The following ST8SIA6 variants were observed in gnomAD, a reference collection of about 807,000 sequenced individuals.
ST8SIA6 encodes ST8 alpha-N-acetyl-neuraminide alpha-2,8-sialyltransferase 6.
A neutral mutation model predicts 33.6 loss-of-function variants in ST8SIA6; 39 were observed. The observed-to-expected ratio is 1.16, with a 90% CI of 0.90 to 1.52. The LOEUF (loss-of-function observed/expected upper bound fraction) is 1.52. Ranked by LOEUF, ST8SIA6 falls within the 40% of genes most tolerant of loss-of-function variation. The probability of loss-of-function intolerance (pLI) is 0.00; values close to 1 mark genes in which losing one functional copy is unlikely to be tolerated. For missense variants in ST8SIA6, 441 were observed against 443.8 expected, an observed-to-expected ratio of 0.99 and a Z score of 0.06; for synonymous variants, 172 against 167.2, an observed-to-expected ratio of 1.03 and a Z score of -0.22.
intron 4 of ST8SIA6, among the ~76,000 whole-genome samples, chr10:17,338,533 T>C (rs968676588): frequency 6.6e-6 from 1 of 152,206 alleles, no homozygotes; most frequent in Non-Finnish European, 1.5e-5. Flanking sequence ...GGTACCACCA[T>C]AGCATAGATA....
intron 4 of ST8SIA6, among the ~76,000 whole-genome samples, chr10:17,343,470 T>A (rs1440851310): frequency 6.6e-6 from 1 of 152,148 alleles, no homozygotes; most frequent in Admixed American, 6.5e-5. Context: ...ATTTCAGCTC[T>A]GATGTTATTG....
At chr10:17,394,923 C>G (rs1418330924) in intron 2 of ST8SIA6, among the ~76,000 whole-genome samples, 1 of 152,170 alleles carries the variant, frequency 6.6e-6, no homozygotes, top group Non-Finnish European at 1.5e-5. Context: ...CAAGAGATAG[C>G]TGCAAGACAA....
intron 4 of ST8SIA6, among the ~76,000 whole-genome samples, chr10:17,352,666 T>A (rs1238197287): frequency 1.3e-5 from 2 of 152,142 alleles, no homozygotes; most frequent in African/African-American, 4.8e-5. Context: ...GAACCCCACG[T>A]GAGTTCCATA....
chr10:17,431,065 C>G (rs1413687362), intron 2 of ST8SIA6, among the ~76,000 whole-genome samples: 1 of 152,180 alleles, frequency 6.6e-6, no homozygotes, highest in Non-Finnish European at 1.5e-5. Flanking sequence ...AAGATTTAGG[C>G]AGAAATCTTT....
At chr10:17,365,184 G>A (rs944214740) in intron 3 of ST8SIA6, among the ~76,000 whole-genome samples, 7 of 151,934 alleles carry the variant, frequency 4.6e-5, no homozygotes, top group East Asian at 1.9e-4. Context: ...AGTAATACTC[G>A]AACCACAAAT....
At chr10:17,441,444 C>T (rs754467671) in intron 2 of ST8SIA6, among the ~76,000 whole-genome samples, 2 of 152,046 alleles carry the variant, frequency 1.3e-5, no homozygotes, top group Admixed American at 6.5e-5. Flanking sequence ...TCCCAAGTAG[C>T]TCGGATGACA....
chr10:17,318,804 C>T lies in ST8SIA6; in HGVS notation c.*2074G>A. ...ACTGTGACTTACGTTTTACAGTTTA[C>T]ATAGCTGACATGCTGTATTGTAAAC... On this transcript the variant is annotated 3_prime_UTR_variant, in exon 8 of 8. Transcript: ENST00000377602. The T allele has an allele frequency of 2.2e-6, 1 of 456,520 alleles. No individual in the cohort carries two copies. The highest frequency in any genetic ancestry group is 4.5e-6 in the Non-Finnish European group (1 of 223,050). The allele number at this position is 456,520 out of a possible 1,614,324, so 28.3% of individuals were successfully genotyped here.
rs1303565957 is a variant in ST8SIA6 at position 17,317,535 on chromosome 10, T to C, written c.*3343A>G. 6.6e-6 allele frequency among the ~76,000 whole-genome samples: 1 copy of C among 152,186 alleles called. No homozygotes were observed. Among genetic ancestry groups the C allele is most frequent in the African/African-American group, 2.4e-5 (1 of 41,446 alleles). ...GTGTTTCCATGTCATGTTAGATAAA[T>C]AAAATGTCTTGAAGATCACAATATA... is the stretch of plus-strand genomic sequence containing the variant. On this transcript the variant is annotated 3_prime_UTR_variant, in exon 8 of 8. Coordinates refer to ENST00000377602, the MANE Select transcript of ST8SIA6 (RefSeq NM_001004470.3).
chr10:17,373,195 C>G (rs1849789839), intron 3 of ST8SIA6, among the ~76,000 whole-genome samples: 1 of 152,144 alleles, frequency 6.6e-6, no homozygotes, highest in Non-Finnish European at 1.5e-5. Context: ...TTCTGACAAG[C>G]AACTCCAGCA....
At chr10:17,364,646 C>T (rs1849500996) in intron 3 of ST8SIA6, among the ~76,000 whole-genome samples, 1 of 152,050 alleles carries the variant, frequency 6.6e-6, no homozygotes, top group Admixed American at 6.6e-5. Context: ...ATTAAGATTG[C>T]CACAGGATCA....
intron 1 of ST8SIA6, 56 bp from the exon 2 acceptor site, chr10:17,453,713 G>C (rs1853007885): frequency 8.2e-7 from 1 of 1,218,800 alleles, no homozygotes; most frequent in African/African-American, 1.6e-5. Flanking sequence ...GCTGTTGGCT[G>C]AAAGGCTGGG....
In ST8SIA6 at chr10:17,317,611, G is replaced by A. The variant is rs1280408459; in HGVS notation, c.*3267C>T. ...TCTGCAGTAGCTGTTTAGGATGTTA[G>A]TGGACCTGTTTTCCACAAAATTTTC... is the stretch of plus-strand genomic sequence containing the variant. On this transcript the variant is annotated 3_prime_UTR_variant, in exon 8 of 8. Transcript: ENST00000377602. Among the ~76,000 whole-genome samples the A allele has an allele frequency of 6.6e-6, 1 of 152,160 alleles. No homozygotes were observed. Among genetic ancestry groups the A allele is most frequent in the African/African-American group, 2.4e-5 (1 of 41,446 alleles).
intron 3 of ST8SIA6, among the ~76,000 whole-genome samples, chr10:17,381,612 G>A (rs1850155133): frequency 6.6e-6 from 1 of 152,166 alleles, no homozygotes; most frequent in South Asian, 2.1e-4. Context: ...AGTGTCTTAA[G>A]AATTGCCAGC....
intron 4 of ST8SIA6, among the ~76,000 whole-genome samples, chr10:17,343,394 G>A (rs969972671): frequency 1.3e-5 from 2 of 152,136 alleles, no homozygotes; most frequent in Admixed American, 6.5e-5. Context: ...TATTGTATTC[G>A]TAAGCTCATA....
chr10:17,386,019 C>CA (rs949339256), intron 3 of ST8SIA6, among the ~76,000 whole-genome samples: 12 of 152,164 alleles, frequency 7.9e-5, no homozygotes, highest in African/African-American at 2.7e-4. Context: ...CCCATCTCTA[C>CA]AAAAAATAGA....
At chr10:17,444,005 A>G (rs913753466) in intron 2 of ST8SIA6, among the ~76,000 whole-genome samples, 3 of 152,166 alleles carry the variant, frequency 2.0e-5, no homozygotes, top group Non-Finnish European at 2.9e-5. Context: ...TCTTCCTTTC[A>G]TATCCCTTCT....
chr10:17,452,201 G>C (rs115963509), intron 2 of ST8SIA6, among the ~76,000 whole-genome samples: 1,921 of 152,268 alleles, frequency 0.013, 26 homozygotes, highest in African/African-American at 0.044. Context: ...TGTTACTCCA[G>C]GAGGTCCTAG....
intron 2 of ST8SIA6, among the ~76,000 whole-genome samples, chr10:17,429,446 G>T (rs17141100): frequency 0.016 from 2,425 of 151,382 alleles, 67 homozygotes; most frequent in Admixed American, 0.061. Flanking sequence ...TGGTTGCTTA[G>T]CTCGTCCCCG....
At position 17,347,795 on chromosome 10, in the gene ST8SIA6, C is replaced by G. The variant is rs977376441; in HGVS notation, c.377+11719G>C. ...CTAAAAATACAAAAAATTAGCCGGG[C>G]GTGGTGGCACGTGCCTGTAGTCCCA... On this transcript the variant is annotated intron_variant, in intron 4 of 7. Transcript: ENST00000377602. 2.0e-5 allele frequency among the ~76,000 whole-genome samples: 3 copies of G among 151,718 alleles called. No individual in the cohort carries two copies. In the East Asian group the frequency reaches 5.8e-4, roughly 29 times the overall value.
Sources: allele counts gnomAD v4.1 joint callset (sites outside exome capture counted in the v4.1 genomes callset), GRCh38; gene constraint gnomAD v4.1.1; transcripts MANE v1.5; gene names NCBI Gene and HGNC (gene_info 2026-07-23, HGNC 2026-07-21).